Variants in LRRTM4 observed in about 807,000 individuals in gnomAD.
LRRTM4 encodes leucine rich repeat transmembrane neuronal 4, also known as leucine-rich repeat transmembrane neuronal protein 4.
Under a neutral mutation model 47.6 loss-of-function variants are expected in LRRTM4, and 25 were observed. The ratio of observed to expected loss-of-function variants is 0.53; its 90% CI spans 0.38 to 0.73. LRRTM4 has a LOEUF of 0.73. Among genes scored for constraint, LRRTM4 ranks in the 30% least tolerant of loss-of-function variants. The pLI, the probability that LRRTM4 is intolerant of heterozygous loss-of-function variation, is 0.00. For missense variants in LRRTM4, 638 were observed against 713.4 expected (o/e 0.89, Z 1.20); for synonymous variants, 311 against 269.5 (o/e 1.15, Z -1.51).
chr2:76,801,443 T>C (rs1675676036), intron 3 of LRRTM4, among the ~76,000 whole-genome samples: 1 of 151,930 alleles, frequency 6.6e-6, no homozygotes. Flanking sequence ...ATATTCTCAC[T>C]CATAGGTGGG....
At chr2:77,086,872 G>A (rs989786004) in intron 3 of LRRTM4, among the ~76,000 whole-genome samples, 1 of 151,690 alleles carries the variant, frequency 6.6e-6, no homozygotes, top group Admixed American at 6.6e-5. Context: ...ACAATTCAAC[G>A]TCAGAAAACA....
At chr2:76,948,426 A>G (rs1675393800) in intron 3 of LRRTM4, among the ~76,000 whole-genome samples, 1 of 151,880 alleles carries the variant, frequency 6.6e-6, no homozygotes, top group South Asian at 2.1e-4. Context: ...ATTTGCAAAG[A>G]AAATGTAATA....
At chr2:76,950,723 G>A (rs148165944) in intron 3 of LRRTM4, among the ~76,000 whole-genome samples, 4 of 151,976 alleles carry the variant, frequency 2.6e-5, no homozygotes, top group African/African-American at 9.6e-5. Flanking sequence ...GTTGAAAAGA[G>A]GAAATAGTGA....
At chr2:76,933,724 A>G (rs1377231256) in intron 3 of LRRTM4, among the ~76,000 whole-genome samples, 2 of 152,078 alleles carry the variant, frequency 1.3e-5, no homozygotes, top group African/African-American at 4.8e-5. Flanking sequence ...TGGATCTGAG[A>G]CTGATGATTT....
At chr2:77,330,809 A>G (rs780683013) in intron 3 of LRRTM4, among the ~76,000 whole-genome samples, 1 of 152,166 alleles carries the variant, frequency 6.6e-6, no homozygotes, top group Non-Finnish European at 1.5e-5. Flanking sequence ...AAAATAAAAT[A>G]TAGGAAGTTT....
At chr2:77,367,834 C>A (rs995254804) in intron 3 of LRRTM4, among the ~76,000 whole-genome samples, 4 of 151,938 alleles carry the variant, frequency 2.6e-5, no homozygotes, top group African/African-American at 4.8e-5. Context: ...CTCATATTAA[C>A]AAATTCCATT....
chr2:77,508,922 C>A (rs891952619), intron 3 of LRRTM4, among the ~76,000 whole-genome samples: 2 of 151,798 alleles, frequency 1.3e-5, no homozygotes, highest in African/African-American at 4.8e-5. Context: ...TGCATAAACA[C>A]CTGGGGAATG....
At chr2:77,515,754 C>A (rs568789354) in intron 3 of LRRTM4, among the ~76,000 whole-genome samples, 1 of 151,780 alleles carries the variant, frequency 6.6e-6, no homozygotes, top group Non-Finnish European at 1.5e-5. Context: ...TTGGGCAAAT[C>A]GCTGCCCTCT....
chr2:77,070,436 A>T (rs1250033171), intron 3 of LRRTM4, among the ~76,000 whole-genome samples: 1 of 152,276 alleles, frequency 6.6e-6, no homozygotes, highest in Middle Eastern at 3.4e-3. Context: ...GATAAAACAT[A>T]AATGACCAAA....
intron 3 of LRRTM4, among the ~76,000 whole-genome samples, chr2:77,361,008 C>A (rs1672185871): frequency 6.6e-6 from 1 of 152,012 alleles, no homozygotes; most frequent in Admixed American, 6.6e-5. Context: ...TGTTTCTGGT[C>A]TTGGACAGCT....
chr2:77,420,189 C>G (rs184591045), intron 3 of LRRTM4, among the ~76,000 whole-genome samples: 1 of 152,284 alleles, frequency 6.6e-6, no homozygotes, highest in East Asian at 1.9e-4. Flanking sequence ...TGGGAGATCT[C>G]CCTCAGTGTC....
chr2:77,231,284 G>A lies in LRRTM4; in HGVS notation c.1551+287034C>T, dbSNP rs1674957080. Among the ~76,000 whole-genome samples, 4 of 151,828 alleles carry A rather than the reference G, an allele frequency of 2.6e-5. No homozygotes were observed. In the South Asian group the frequency reaches 6.2e-4, roughly 24 times the overall value. ...ACACCACAAAGACCAGATAGGCAAT[G>A]TTTGGCAATATGATCCACTGAGCTC... On this transcript the variant is annotated intron_variant, in intron 3 of 3. Coordinates refer to ENST00000409884, the MANE Select transcript of LRRTM4 (RefSeq NM_001134745.3).
intron 3 of LRRTM4, among the ~76,000 whole-genome samples, chr2:76,922,322 AGAAGCAAAAAGG>A (rs1306103839): frequency 2.6e-5 from 4 of 152,104 alleles, no homozygotes; most frequent in African/African-American, 7.2e-5. Flanking sequence ...CAATCATGGC[AGAAGCAAAAAGG>A]GAAGCAAGCA....
At chr2:77,468,651 C>G (rs13400084) in intron 3 of LRRTM4, among the ~76,000 whole-genome samples, 2,670 of 152,202 alleles carry the variant, frequency 0.018, 81 homozygotes, top group African/African-American at 0.061. Flanking sequence ...TGGGGCCATG[C>G]TAGTGCTCTT....
At chr2:76,891,004 C>T (rs981345378) in intron 3 of LRRTM4, among the ~76,000 whole-genome samples, 2 of 151,662 alleles carry the variant, frequency 1.3e-5, no homozygotes, top group African/African-American at 4.8e-5. Flanking sequence ...AGGAATGATT[C>T]CTGACATGGC....
chr2:76,972,363 C>A (rs1360436549), intron 3 of LRRTM4, among the ~76,000 whole-genome samples: 2 of 150,952 alleles, frequency 1.3e-5, no homozygotes, highest in African/African-American at 4.9e-5. Flanking sequence ...ACCTGTCACT[C>A]TCTGCCTTGT....
intron 3 of LRRTM4, among the ~76,000 whole-genome samples, chr2:76,934,334 G>T (rs1456694349): frequency 2.0e-5 from 3 of 152,102 alleles, no homozygotes; most frequent in Admixed American, 6.6e-5. Flanking sequence ...TGTGTTAAAG[G>T]ATGTTAAAAA....
At chr2:77,124,363 T>A (rs1216407646) in intron 3 of LRRTM4, among the ~76,000 whole-genome samples, 1 of 152,062 alleles carries the variant, frequency 6.6e-6, no homozygotes, top group Admixed American at 6.6e-5. Context: ...CAAAATGACA[T>A]GACTTTCTCT....
chr2:77,121,401 C>G (rs1671517939), intron 3 of LRRTM4, among the ~76,000 whole-genome samples: 1 of 151,694 alleles, frequency 6.6e-6, no homozygotes, highest in Admixed American at 6.6e-5. Flanking sequence ...AATAGTGTTG[C>G]ACTTCTCATT....
Sources: gnomAD v4.1 joint callset for allele counts (sites outside exome capture counted in the v4.1 genomes callset) on GRCh38, gnomAD v4.1.1 for gene constraint, MANE v1.5 for transcripts, NCBI Gene and HGNC (gene_info 2026-07-23, HGNC 2026-07-21) for gene names.